RNPS1: variants seen among roughly 807,000 people sequenced by gnomAD.
RNPS1 encodes RNA-binding protein with serine-rich domain 1.
For missense variants in RNPS1, 300 were observed against 427.6 expected (o/e 0.70, Z 2.63); for synonymous variants, 147 against 150.0 (o/e 0.98, Z 0.15).
Position 2,253,925 on chromosome 16 carries a change from G to A in RNPS1, c.*39C>T, listed in dbSNP as rs1480437514. 1.3e-6 allele frequency: 2 copies of A among 1,502,340 alleles called. No homozygotes were observed. Among genetic ancestry groups the A allele is most frequent in the East Asian group, 4.9e-5 (2 of 40,646 alleles). 93.1% of individuals were successfully genotyped at this position (1,502,340 alleles called of 1,614,324 possible). A position where few individuals can be genotyped will look rare whatever the true frequency, so the allele number is the denominator to read the frequency against. On this transcript the variant is annotated 3_prime_UTR_variant, in exon 8 of 8. Transcript: ENST00000320225. ...GAAAAGTGACAAAACTGAGCTGGGTGGGGTATAAGTTACAGGGGCGAGAGC... is the reference window on the plus strand; with the variant it reads ...GAAAAGTGACAAAACTGAGCTGGGTAGGGTATAAGTTACAGGGGCGAGAGC...
chr16:2,258,867 A>C (rs1429159192), intron 6 of RNPS1: 1 of 152,148 alleles, frequency 6.6e-6, no homozygotes. Flanking sequence ...CACACCTGTA[A>C]TCCCAGCTGC....
At chr16:2,257,848 G>A (rs189577439) in intron 6 of RNPS1, 69 of 152,372 alleles carry the variant, frequency 4.5e-4, no homozygotes, top group Admixed American at 4.3e-3. Flanking sequence ...GTTTGTAACA[G>A]GGCCTCGGAA....
At chr16:2,257,034 T>C (rs2093581718) in intron 6 of RNPS1, 1 of 152,138 alleles carries the variant, frequency 6.6e-6, no homozygotes, top group South Asian at 2.1e-4. Flanking sequence ...AAAGACTTTG[T>C]GTTTGGAAAC....
At chr16:2,255,781 A>G in intron 6 of RNPS1, 55 bp from the exon 7 acceptor site, 2 of 1,568,552 alleles carry the variant, frequency 1.3e-6, no homozygotes, top group Non-Finnish European at 1.7e-6. Flanking sequence ...ACCCTAGACA[A>G]TGCATGCCAC....
intron 6 of RNPS1, among the ~76,000 whole-genome samples, chr16:2,260,077 T>G (rs1034317478): frequency 1.3e-5 from 2 of 151,902 alleles, no homozygotes; most frequent in African/African-American, 4.8e-5. Context: ...GAACAAAACT[T>G]GGAGCATATT....
chr16:2,254,397 C>T (rs1253539859), intron 7 of RNPS1, among the ~76,000 whole-genome samples: 1 of 151,458 alleles, frequency 6.6e-6, no homozygotes, highest in Non-Finnish European at 1.5e-5. Context: ...AGGTTCATGC[C>T]ATTCTCCTGC....
At chr16:2,259,034 A>G (rs1306227534) in intron 6 of RNPS1, among the ~76,000 whole-genome samples, 1 of 151,722 alleles carries the variant, frequency 6.6e-6, no homozygotes, top group African/African-American at 2.4e-5. Context: ...AAGGCAGGAG[A>G]ACTGCTTGAA....
chr16:2,254,063 C>G lies in RNPS1; in HGVS notation c.819G>C (p.Arg273Ser). ...WRRSPPRMRRRSRSPRRRSPV... is the reference protein window; with the variant it reads ...WRRSPPRMRRSSRSPRRRSPV... ...GGGACCTGCGCCTCGGGGAGCGGGACCTGCGGGAAGAGGAGAAACCACATC... is the reference window on the plus strand; with the variant it reads ...GGGACCTGCGCCTCGGGGAGCGGGAGCTGCGGGAAGAGGAGAAACCACATC... Residue 273 changes from arginine to serine, a missense_variant and splice_region_variant, in exon 8 of 8, where the codon AGG becomes AGC. By Grantham distance (110) the Arg-to-Ser change is moderately radical. Transcript: ENST00000320225. 1 of 1,476,312 alleles carries G rather than the reference C, an allele frequency of 6.8e-7. No homozygotes were observed. The highest frequency in any genetic ancestry group is 1.4e-5 in the South Asian group (1 of 71,622). The allele number at this position is 1,476,312 out of a possible 1,614,324, so 91.5% of individuals were successfully genotyped here.
rs760322609 is a variant in RNPS1, at chr16:2,264,617, C to T, written c.27G>A (p.Lys9=). 3 of 1,613,246 alleles carry T rather than the reference C, an allele frequency of 1.9e-6. No homozygotes were observed. Among genetic ancestry groups the T allele is most frequent in the Non-Finnish European group, 1.7e-6 (2 of 1,179,826 alleles). Residue 9 remains lysine, a synonymous_variant, in exon 2 of 8, where the codon AAG becomes AAA. Coordinates refer to ENST00000320225, the MANE Select transcript of RNPS1 (RefSeq NM_080594.4). ...TATTTTCTTTGACTCCTAGCAAGCT[C>T]TTCTTTTTCACTCCTGATAAATCCA... MDLSGVKK[K]SLLGVKENNK... is the part of the protein sequence containing the mutation.
At position 2,268,116 on chromosome 16, in the gene RNPS1, A is replaced by G. The variant is rs1347095010; in HGVS notation, c.-179T>C. On this transcript the variant is annotated 5_prime_UTR_variant, in exon 1 of 8. Transcript: ENST00000320225. ...AGCCGCCGAGGCCGGCGCCGCTCTG[A>G]CGTCAGAGTCAAGGAGCGGGAAGTC... is the stretch of plus-strand genomic sequence containing the variant. The G allele has an allele frequency of 6.5e-7, 1 of 1,534,112 alleles. No individual in the cohort carries two copies. The highest frequency in any genetic ancestry group is 2.4e-5 in the East Asian group (1 of 40,822).
intron 4 of RNPS1, 68 bp from the exon 5 acceptor site, chr16:2,262,910 T>A: frequency 7.0e-7 from 1 of 1,422,010 alleles, no homozygotes; most frequent in Non-Finnish European, 9.9e-7. Context: ...GCCTTTCGAG[T>A]AAGCTCTTAT....
chr16:2,254,171 C>T lies in RNPS1; in HGVS notation c.819-108G>A. On this transcript the variant is annotated intron_variant, in intron 7 of 7. Coordinates refer to ENST00000320225, the MANE Select transcript of RNPS1 (RefSeq NM_080594.4). Reference sequence around the variant, plus strand: ...TTACTTTTTGAGATGGAATATCACTCTGTCTCCAGGCCAGAGTGCAGTGGC... The same window carrying T: ...TTACTTTTTGAGATGGAATATCACTTTGTCTCCAGGCCAGAGTGCAGTGGC... The T allele has an allele frequency of 3.7e-6, 3 of 800,476 alleles. No homozygotes were observed. The South Asian group carries it at 5.9e-5, about 16-fold the overall frequency. The allele number at this position is 800,476 out of a possible 1,614,324, so 49.6% of individuals were successfully genotyped here.
intron 1 of RNPS1, chr16:2,266,180 C>A (rs1303570375): frequency 1.0e-6 from 1 of 985,274 alleles, no homozygotes; most frequent in Non-Finnish European, 1.2e-6. Flanking sequence ...GTGCAGTGCA[C>A]GCCAGGGGTG....
intron 6 of RNPS1, chr16:2,257,312 G>C (rs1193060320): frequency 1.3e-5 from 2 of 152,078 alleles, no homozygotes; most frequent in Non-Finnish European, 2.9e-5. Flanking sequence ...AGGCACATGG[G>C]GACTAACTCC....
chr16:2,255,164 C>CTTTCAGCTTTGG (rs2093572109), intron 7 of RNPS1, among the ~76,000 whole-genome samples: 1 of 152,212 alleles, frequency 6.6e-6, no homozygotes, highest in Non-Finnish European at 1.5e-5. Flanking sequence ...TCCCCAAAGG[C>CTTTCAGCTTTGG]TGAAAGCACA....
At chr16:2,262,867 A>C in intron 4 of RNPS1, 25 bp from the exon 5 acceptor site, 1 of 1,595,606 alleles carries the variant, frequency 6.3e-7, no homozygotes, top group Non-Finnish European at 8.6e-7. Context: ...AAAACACCAG[A>C]AACAATTTCT....
At chr16:2,255,545 T>A in intron 7 of RNPS1, 40 bp downstream of exon 7, 1 of 1,540,450 alleles carries the variant, frequency 6.5e-7, no homozygotes, top group Non-Finnish European at 8.7e-7. Context: ...CACATGAGGT[T>A]TGTGGCCTGA....
rs2093562333 is a variant in RNPS1, at chr16:2,253,718, T to C, written c.*246A>G. ...GGTGGCTCTGCCACTGAACTGACTC[T>C]TAGAAACCGGAAACGGATGAGCTTT... On this transcript the variant is annotated 3_prime_UTR_variant, in exon 8 of 8. Coordinates refer to ENST00000320225, the MANE Select transcript of RNPS1 (RefSeq NM_080594.4). 1 of 622,910 alleles carries C rather than the reference T, an allele frequency of 1.6e-6. No homozygotes were observed. Among genetic ancestry groups the C allele is most frequent in the African/African-American group, 1.8e-5 (1 of 54,420 alleles). 38.6% of individuals were successfully genotyped at this position (622,910 alleles called of 1,614,324 possible).
intron 1 of RNPS1, chr16:2,266,511 A>G: frequency 1.1e-6 from 1 of 949,884 alleles, no homozygotes; most frequent in Non-Finnish European, 1.3e-6. Flanking sequence ...CATCATCAAT[A>G]TGGTGACAAT....
Sources: allele counts gnomAD v4.1 joint callset (sites outside exome capture counted in the v4.1 genomes callset), GRCh38; gene constraint gnomAD v4.1.1; transcripts MANE v1.5; gene names NCBI Gene and HGNC (gene_info 2026-07-23, HGNC 2026-07-21).